The following KIF16B variants were observed in gnomAD, a reference collection of about 807,000 sequenced individuals.
KIF16B encodes kinesin-like protein KIF16B.
In KIF16B, 98 loss-of-function variants were observed where a neutral mutation model predicts 156.3. The observed-to-expected ratio is 0.63, with a 90% CI of 0.53 to 0.74. KIF16B has a LOEUF of 0.74. KIF16B is among the 30% of genes least tolerant of loss of function. The probability of loss-of-function intolerance (pLI) is 0.00; values close to 1 mark genes in which losing one functional copy is unlikely to be tolerated. For missense variants in KIF16B, 1,421 were observed against 1,606.5 expected, an observed-to-expected ratio of 0.88 and a Z score of 1.97; for synonymous variants, 564 against 583.7, an observed-to-expected ratio of 0.97 and a Z score of 0.49.
At chr20:16,400,618 A>C (rs2065630177) in intron 17 of KIF16B, among the ~76,000 whole-genome samples, 1 of 152,266 alleles carries the variant, frequency 6.6e-6, no homozygotes, top group South Asian at 2.1e-4. Context: ...CAAAGAGTCC[A>C]TCAACAGATG....
At chr20:16,321,251 T>A (rs1359617519) in intron 24 of KIF16B, among the ~76,000 whole-genome samples, 1 of 152,134 alleles carries the variant, frequency 6.6e-6, no homozygotes, top group Non-Finnish European at 1.5e-5. Flanking sequence ...TTCCTTGTAT[T>A]ATGTAAAATT....
At chr20:16,501,721 T>A (rs1027716582) in intron 10 of KIF16B, among the ~76,000 whole-genome samples, 6 of 152,114 alleles carry the variant, frequency 3.9e-5, no homozygotes, top group African/African-American at 1.4e-4. Flanking sequence ...ACAAACATAA[T>A]GTTGACTGAA....
chr20:16,273,759 CT>C (rs2063018125), intron 25 of KIF16B, among the ~76,000 whole-genome samples: 1 of 152,122 alleles, frequency 6.6e-6, no homozygotes, highest in Non-Finnish European at 1.5e-5. Flanking sequence ...CCAGAAACAA[CT>C]TCCCACCCAC....
At chr20:16,526,908 T>A (rs141324826) in intron 2 of KIF16B, among the ~76,000 whole-genome samples, 72 of 152,300 alleles carry the variant, frequency 4.7e-4, no homozygotes, top group African/African-American at 1.7e-3. Context: ...ATGATTCTTA[T>A]GAAAACACTA....
At chr20:16,553,844 AC>A (rs112650366) in intron 1 of KIF16B, among the ~76,000 whole-genome samples, 7,423 of 152,242 alleles carry the variant, frequency 0.049, 579 homozygotes, top group African/African-American at 0.17. Context: ...ACAGGAGCAG[AC>A]AGGAGCAGAC....
At chr20:16,278,945 C>G (rs1320747023) in intron 25 of KIF16B, among the ~76,000 whole-genome samples, 1 of 152,138 alleles carries the variant, frequency 6.6e-6, no homozygotes, top group Non-Finnish European at 1.5e-5. Context: ...TTCGTGGGGA[C>G]CAGCAGGCAC....
intron 24 of KIF16B, among the ~76,000 whole-genome samples, chr20:16,320,331 A>C (rs2063755796): frequency 6.6e-6 from 1 of 152,196 alleles, no homozygotes; most frequent in Admixed American, 6.5e-5. Context: ...AGGCAAATTA[A>C]AAGGCAAAAA....
At chr20:16,516,788 A>G (rs1237400399) in intron 3 of KIF16B, among the ~76,000 whole-genome samples, 6 of 152,230 alleles carry the variant, frequency 3.9e-5, no homozygotes, top group Non-Finnish European at 8.8e-5. Flanking sequence ...GGAGGCTTTG[A>G]AAAGTCCAAT....
intron 12 of KIF16B, among the ~76,000 whole-genome samples, chr20:16,482,577 G>A (rs1233298888): frequency 6.6e-6 from 1 of 152,112 alleles, no homozygotes; most frequent in Non-Finnish European, 1.5e-5. Flanking sequence ...TAAATACACA[G>A]AATTTGTTGT....
chr20:16,420,809 A>C (rs1335232830), intron 15 of KIF16B, among the ~76,000 whole-genome samples: 5 of 151,968 alleles, frequency 3.3e-5, no homozygotes, highest in African/African-American at 1.2e-4. Flanking sequence ...GCCAATAACC[A>C]CTCCAATTAA....
intron 12 of KIF16B, among the ~76,000 whole-genome samples, chr20:16,462,896 C>A (rs185126919): frequency 6.6e-6 from 1 of 152,216 alleles, no homozygotes; most frequent in African/African-American, 2.4e-5. Context: ...TTGTCAACCA[C>A]ATGTTCAGTA....
intron 24 of KIF16B, among the ~76,000 whole-genome samples, chr20:16,330,652 T>C (rs2063931967): frequency 6.6e-6 from 1 of 152,198 alleles, no homozygotes; most frequent in Non-Finnish European, 1.5e-5. Context: ...ATGCCAAGTT[T>C]GTTATGAGAC....
At chr20:16,378,566 TTG>T (rs2065007066) in intron 19 of KIF16B, among the ~76,000 whole-genome samples, 1 of 152,272 alleles carries the variant, frequency 6.6e-6, no homozygotes, top group East Asian at 1.9e-4. Context: ...TTGCTTTTGT[TTG>T]TGTGTTTTTC....
intron 2 of KIF16B, among the ~76,000 whole-genome samples, chr20:16,526,747 C>T (rs992078185): frequency 6.6e-6 from 1 of 152,198 alleles, no homozygotes; most frequent in Non-Finnish European, 1.5e-5. Context: ...TTGCATATAT[C>T]TTGTCCCCCT....
At chr20:16,567,813 G>A (rs1288530692) in intron 1 of KIF16B, among the ~76,000 whole-genome samples, 5 of 152,142 alleles carry the variant, frequency 3.3e-5, no homozygotes, top group Non-Finnish European at 7.3e-5. Context: ...TTAGCCGGGC[G>A]TGGTGGCGGG....
At chr20:16,540,479 C>A (rs750239608) in intron 1 of KIF16B, among the ~76,000 whole-genome samples, 97 of 152,316 alleles carry the variant, frequency 6.4e-4, no homozygotes, top group Non-Finnish European at 1.2e-3. Context: ...AGTCTACATC[C>A]TTACGTGGCA....
chr20:16,548,809 G>C (rs1430587088), intron 1 of KIF16B, among the ~76,000 whole-genome samples: 1 of 152,124 alleles, frequency 6.6e-6, no homozygotes, highest in Non-Finnish European at 1.5e-5. Context: ...TTAGTGACCA[G>C]AACAGGACCA....
rs201316538 is a variant in KIF16B at position 16,350,894 on chromosome 20, G to GT, written c.3621+5435_3621+5436insA. 3.7e-3 allele frequency among the ~76,000 whole-genome samples: 565 copies of GT among 150,844 alleles called. 6 individuals carry two copies. The highest frequency in any genetic ancestry group is 0.013 in the African/African-American group (543 of 41,162). ...CCAGTCAGGCACGGGGTGGGCACTG[G>GT]GGGGGGGTCTGTGTCATACAAGACT... On this transcript the variant is annotated intron_variant, in intron 23 of 25. Transcript: ENST00000354981.
chr20:16,545,222 A>G (rs1413154423), intron 1 of KIF16B, among the ~76,000 whole-genome samples: 1 of 152,126 alleles, frequency 6.6e-6, no homozygotes, highest in African/African-American at 2.4e-5. Flanking sequence ...CACAAACAAC[A>G]TACTCATTTT....
Sources: allele counts gnomAD v4.1 joint callset (sites outside exome capture counted in the v4.1 genomes callset), GRCh38; gene constraint gnomAD v4.1.1; transcripts MANE v1.5; gene names NCBI Gene and HGNC (gene_info 2026-07-23, HGNC 2026-07-21).